Variants in ZFAT observed in about 807,000 individuals in gnomAD.
The protein encoded by ZFAT is zinc finger and AT-hook domain containing.
A neutral mutation model predicts 117.7 loss-of-function variants in ZFAT; 64 were observed. That is an observed-to-expected ratio of 0.54 (90% confidence interval 0.44 to 0.67). The LOEUF (loss-of-function observed/expected upper bound fraction) is 0.67. Among genes scored for constraint, ZFAT ranks in the 30% least tolerant of loss-of-function variants. The probability of loss-of-function intolerance (pLI) is 0.00; values close to 1 mark genes in which losing one functional copy is unlikely to be tolerated. For synonymous variants in ZFAT, 679 were observed against 615.0 expected, an observed-to-expected ratio of 1.10 and a Z score of -1.54; for missense variants, 1,433 against 1,584.5, an observed-to-expected ratio of 0.90 and a Z score of 1.62.
intron 11 of ZFAT, among the ~76,000 whole-genome samples, chr8:134,536,689 C>A (rs565136405): frequency 6.6e-6 from 1 of 152,306 alleles, no homozygotes; most frequent in Admixed American, 6.5e-5. Flanking sequence ...TATTTACTGA[C>A]CTCTGACTGT....
At chr8:134,571,104 G>C (rs927742082) in intron 10 of ZFAT, among the ~76,000 whole-genome samples, 4 of 152,226 alleles carry the variant, frequency 2.6e-5, no homozygotes, top group Non-Finnish European at 5.9e-5. Context: ...CAGGAGATGA[G>C]AGTGGACAAG....
At chr8:134,520,781 A>G (rs1292985236) in intron 13 of ZFAT, 102 bp downstream of exon 13, 2 of 874,438 alleles carry the variant, frequency 2.3e-6, no homozygotes, top group Admixed American at 2.5e-5. Flanking sequence ...CAGAAAATCT[A>G]ATGTTCTGAG....
At chr8:134,703,464 G>A (rs775227762) in intron 1 of ZFAT, among the ~76,000 whole-genome samples, 1 of 152,178 alleles carries the variant, frequency 6.6e-6, no homozygotes, top group African/African-American at 2.4e-5. Context: ...GCCACCTAAC[G>A]GCTCATGCCT....
chr8:134,823,981 T>G, the ZFAT span, among the ~76,000 whole-genome samples: 1 of 152,264 alleles, frequency 6.6e-6, no homozygotes. Flanking sequence ...AAAGTAATTT[T>G]ACTACTTCTC....
At chr8:134,829,297 T>C in the ZFAT span, among the ~76,000 whole-genome samples, 1 of 152,360 alleles carries the variant, frequency 6.6e-6, no homozygotes. Flanking sequence ...GTTAATGCAT[T>C]TGATGTGTGG....
At chr8:134,561,963 C>A (rs988118032) in intron 11 of ZFAT, among the ~76,000 whole-genome samples, 8 of 152,102 alleles carry the variant, frequency 5.3e-5, no homozygotes, top group Admixed American at 3.3e-4. Context: ...TGTTACCTTG[C>A]ATGGCAAAAA....
At chr8:134,631,690 C>A (rs1829902916) in intron 3 of ZFAT, among the ~76,000 whole-genome samples, 1 of 152,160 alleles carries the variant, frequency 6.6e-6, no homozygotes, top group African/African-American at 2.4e-5. Flanking sequence ...CCTGTGACAA[C>A]AGAGCAGTTC....
the ZFAT span, among the ~76,000 whole-genome samples, chr8:134,733,098 C>T: frequency 6.6e-6 from 1 of 152,154 alleles, no homozygotes; most frequent in Non-Finnish European, 1.5e-5. Context: ...ACTTTACACT[C>T]AATTTTTCTG....
intron 3 of ZFAT, among the ~76,000 whole-genome samples, chr8:134,616,043 G>A (rs1468350193): frequency 1.3e-5 from 2 of 152,170 alleles, no homozygotes; most frequent in East Asian, 3.9e-4. Context: ...GGGAGGTGAG[G>A]CAGGAGAAGA....
At chr8:134,685,454 C>T (rs549851999) in intron 1 of ZFAT, among the ~76,000 whole-genome samples, 1 of 152,180 alleles carries the variant, frequency 6.6e-6, no homozygotes. Flanking sequence ...TTAATTACAA[C>T]TAAGAAAAGT....
chr8:134,577,953 C>T (rs969137067), intron 10 of ZFAT, among the ~76,000 whole-genome samples: 4 of 152,074 alleles, frequency 2.6e-5, no homozygotes, highest in African/African-American at 4.8e-5. Context: ...TGGAGACCTT[C>T]CATACGTGAG....
chr8:134,588,575 T>G (rs144722774), intron 8 of ZFAT, among the ~76,000 whole-genome samples, 180 bp from the exon 9 acceptor site: 47 of 152,308 alleles, frequency 3.1e-4, no homozygotes, highest in African/African-American at 1.1e-3. Context: ...GATCTCAGTA[T>G]CTGTTAACAT....
chr8:134,661,085 G>A (rs1427036719), intron 1 of ZFAT, among the ~76,000 whole-genome samples: 1 of 152,254 alleles, frequency 6.6e-6, no homozygotes, highest in African/African-American at 2.4e-5. Flanking sequence ...TGGGCCATGA[G>A]AGTGGGGTGG....
intron 12 of ZFAT, among the ~76,000 whole-genome samples, chr8:134,531,767 C>T (rs1416525632): frequency 1.3e-5 from 2 of 152,226 alleles, no homozygotes; most frequent in Non-Finnish European, 2.9e-5. Flanking sequence ...TTCTGTGCTG[C>T]TCATCTATTT....
intron 11 of ZFAT, among the ~76,000 whole-genome samples, chr8:134,562,807 G>C (rs1039777729): frequency 2.6e-5 from 4 of 152,220 alleles, no homozygotes; most frequent in African/African-American, 9.6e-5. Context: ...CATTTCTTCT[G>C]CACATAAACC....
Position 134,481,299 on chromosome 8 carries a change from A to T in ZFAT, c.3493-2578T>A, listed in dbSNP as rs192888942. Among the ~76,000 whole-genome samples the T allele has an allele frequency of 1.8e-4, 28 of 152,274 alleles. 2 individuals are homozygous for T. In the East Asian group the frequency reaches 5.2e-3, roughly 28 times the overall value. On this transcript the variant is annotated intron_variant, in intron 15 of 15. Coordinates refer to ENST00000377838, the MANE Select transcript of ZFAT (RefSeq NM_020863.4). ...GCCACACAAAGGAAAGGGTGAGGGG[A>T]TGGGGATGGTTTACTCCCAGGTCCC...
At chr8:134,503,176 G>A (rs1819122860) in intron 15 of ZFAT, among the ~76,000 whole-genome samples, 1 of 152,210 alleles carries the variant, frequency 6.6e-6, no homozygotes, top group Admixed American at 6.5e-5. Context: ...AGGATTGAGT[G>A]GAGTGCTGGT....
At chr8:134,759,208 G>C in the ZFAT span, among the ~76,000 whole-genome samples, 1 of 152,168 alleles carries the variant, frequency 6.6e-6, no homozygotes, top group African/African-American at 2.4e-5. Flanking sequence ...ACTTACACAG[G>C]TTCTTATTTG....
chr8:134,515,725 G>C (rs921780903), intron 13 of ZFAT, among the ~76,000 whole-genome samples: 2 of 152,140 alleles, frequency 1.3e-5, no homozygotes, highest in Non-Finnish European at 2.9e-5. Flanking sequence ...CAGATGGATA[G>C]ATTGCAAAAA....
Sources: allele counts gnomAD v4.1 joint callset (sites outside exome capture counted in the v4.1 genomes callset), GRCh38; gene constraint gnomAD v4.1.1; transcripts MANE v1.5; gene names NCBI Gene and HGNC (gene_info 2026-07-23, HGNC 2026-07-21).